GCLC: variants seen among roughly 807,000 people sequenced by gnomAD.
GCLC encodes the protein glutamate-cysteine ligase catalytic subunit, also known as glutamate--cysteine ligase catalytic subunit.
In GCLC, 30 loss-of-function variants were observed where a neutral mutation model predicts 81.5. The observed-to-expected ratio is 0.37, with a 90% CI of 0.28 to 0.50. The LOEUF (loss-of-function observed/expected upper bound fraction) is 0.50, where lower values mean the gene tolerates loss of function less well. Among genes scored for constraint, GCLC ranks in the 20% least tolerant of loss-of-function variants. The pLI is 0.96. For missense variants in GCLC, 556 were observed against 777.4 expected (o/e 0.72, Z 3.39); for synonymous variants, 262 against 273.3 (o/e 0.96, Z 0.41).
chr6:53,529,235 G>A (rs1430428308), intron 1 of GCLC, among the ~76,000 whole-genome samples: 1 of 152,144 alleles, frequency 6.6e-6, no homozygotes, highest in Non-Finnish European at 1.5e-5. Context: ...ATTATTGTTG[G>A]CACAAAGGAA....
At chr6:53,533,344 A>C (rs1763203325) in intron 1 of GCLC, among the ~76,000 whole-genome samples, 1 of 152,144 alleles carries the variant, frequency 6.6e-6, no homozygotes, top group African/African-American at 2.4e-5. Context: ...CAAATCCTTA[A>C]TATGTTCAGA....
chr6:53,504,313 G>C (rs1764572635), intron 12 of GCLC, among the ~76,000 whole-genome samples: 1 of 152,082 alleles, frequency 6.6e-6, no homozygotes, highest in Admixed American at 6.5e-5. Flanking sequence ...AGCCTCCTGA[G>C]GAGCAGAGAT....
chr6:53,508,467 C>T (rs937952556), intron 8 of GCLC, 128 bp downstream of exon 8: 33 of 762,226 alleles, frequency 4.3e-5, no homozygotes. Flanking sequence ...AACTCCCCAC[C>T]TAGACCAAAT....
At chr6:53,540,069 C>A (rs906863760) in intron 1 of GCLC, among the ~76,000 whole-genome samples, 1 of 152,174 alleles carries the variant, frequency 6.6e-6, no homozygotes, top group Non-Finnish European at 1.5e-5. Flanking sequence ...AATGCACAAG[C>A]CTACCCTTCA....
chr6:53,498,987 G>GAAAAAAAAAAAAA lies in GCLC; in HGVS notation c.1703-21_1703-20insTTTTTTTTTTTTT, dbSNP rs747590064. On this transcript the variant is annotated intron_variant, in intron 15 of 15. Coordinates refer to ENST00000650454, the MANE Select transcript of GCLC (RefSeq NM_001498.4). ...GTTCTCCTGTGGGCGAGGGGGGAGC[G>GAAAAAAAAAAAAA]AAAAAAAAATTAAAACCACGTAAGT... 3 of 1,492,980 alleles carry GAAAAAAAAAAAAA rather than the reference G, an allele frequency of 2.0e-6. No homozygotes were observed. The Admixed American group carries it at 5.6e-5, about 28-fold the overall frequency. The allele number at this position is 1,492,980 out of a possible 1,614,324, so 92.5% of individuals were successfully genotyped here. A position where few individuals can be genotyped will look rare whatever the true frequency, so the allele number is the denominator to read the frequency against.
chr6:53,517,499 C>T (rs1044440706), intron 3 of GCLC, among the ~76,000 whole-genome samples: 6 of 152,064 alleles, frequency 3.9e-5, no homozygotes, highest in African/African-American at 1.4e-4. Flanking sequence ...GTGATCTTAT[C>T]TAGAAAACAG....
chr6:53,505,555 G>T, intron 11 of GCLC, 59 bp from the exon 12 acceptor site: 1 of 909,446 alleles, frequency 1.1e-6, no homozygotes, highest in Non-Finnish European at 1.8e-6. Flanking sequence ...GCTCTTCCCT[G>T]ACCCAGGCCC....
intron 1 of GCLC, among the ~76,000 whole-genome samples, chr6:53,542,686 C>T (rs1205483380): frequency 6.6e-6 from 1 of 152,160 alleles, no homozygotes; most frequent in Non-Finnish European, 1.5e-5. Context: ...AAGACTTGAA[C>T]TGCCTGTCTT....
At chr6:53,507,405 A>C in intron 9 of GCLC, 75 bp downstream of exon 9, 2 of 1,484,208 alleles carry the variant, frequency 1.3e-6, no homozygotes, top group South Asian at 1.1e-5. Flanking sequence ...ACCAGGAGTC[A>C]GCAAAAAAGT....
chr6:53,510,573 CAAT>C, intron 6 of GCLC: 1 of 151,874 alleles, frequency 6.6e-6, no homozygotes, highest in East Asian at 1.9e-4. Flanking sequence ...TGTTGTTATT[CAAT>C]AATGACAGTT....
Position 53,507,631 on chromosome 6 carries a change from AAT to A in GCLC, c.946-15_946-14del. ...TGTTCTTCAATGGCTAAAGATTAAA[AAT>A]ATATATAAATGAATATGCTATATAA... On this transcript the variant is annotated splice_polypyrimidine_tract_variant and intron_variant, in intron 8 of 15. Coordinates refer to ENST00000650454, the MANE Select transcript of GCLC (RefSeq NM_001498.4). 1.7e-6 allele frequency: 2 copies of A among 1,186,718 alleles called. No individual in the cohort carries two copies. The highest frequency in any genetic ancestry group is 3.0e-5 in the African/African-American group (2 of 65,844). 73.5% of individuals were successfully genotyped at this position (1,186,718 alleles called of 1,614,324 possible).
intron 1 of GCLC, among the ~76,000 whole-genome samples, chr6:53,528,499 G>T (rs1345559667): frequency 1.3e-5 from 2 of 152,048 alleles, no homozygotes; most frequent in Non-Finnish European, 2.9e-5. Flanking sequence ...GATGACTGTG[G>T]ATACTGTAAT....
intron 3 of GCLC, 142 bp downstream of exon 3, chr6:53,520,636 A>T (rs1762975566): frequency 1.3e-6 from 1 of 775,414 alleles, no homozygotes; most frequent in African/African-American, 1.7e-5. Flanking sequence ...ACTGTTACAG[A>T]GTCTATCAAG....
chr6:53,514,640 G>A (rs1764830614), intron 4 of GCLC, 143 bp from the exon 5 acceptor site: 1 of 738,378 alleles, frequency 1.4e-6, no homozygotes, highest in African/African-American at 1.7e-5. Flanking sequence ...TGTATCTGTG[G>A]TGTCAAGACA....
chr6:53,507,507 C>G lies in GCLC; in HGVS notation c.1057G>C (p.Glu353Gln). The change falls in exon 9 of 16, where the codon GAG (glutamate) becomes CAG (glutamine). Residue 353 changes from glutamate to glutamine, a missense_variant. Around this residue, in one of 3 missense-constraint regions of GCLC, gnomAD observed 313 missense variants for 437.3 expected, o/e 0.72. Coordinates refer to ENST00000650454, the MANE Select transcript of GCLC (RefSeq NM_001498.4). ...YNDIDLTIDK[E>Q]IYEQLLQEGI... is the part of the protein sequence containing the mutation. ...TCCTGCAACAGCTGTTCGTAGATCTCTTTATCTATCGTCAAGTCGATGTCA... is the reference window on the plus strand; with the variant it reads ...TCCTGCAACAGCTGTTCGTAGATCTGTTTATCTATCGTCAAGTCGATGTCA... 1.2e-6 allele frequency: 2 copies of G among 1,612,054 alleles called. No individual in the cohort carries two copies. Among genetic ancestry groups the G allele is most frequent in the Non-Finnish European group, 8.5e-7 (1 of 1,178,318 alleles).
At chr6:53,544,085 C>T (rs17882672) in intron 1 of GCLC, among the ~76,000 whole-genome samples, 24,232 of 152,140 alleles carry the variant, frequency 0.16, 2,190 homozygotes, top group East Asian at 0.35. Flanking sequence ...AAGCAGCAGG[C>T]CTACTAGGAA....
In GCLC at chr6:53,544,350, G is replaced by A. The variant is rs577467912; in HGVS notation, c.150+146C>T. On this transcript the variant is annotated intron_variant, in intron 1 of 15. Transcript: ENST00000650454. ...CGGACTAGGCGAAAGCAGGGACGAT[G>A]CTCCCGGGGCCGGGAGGCGCTCGAG... 1.5e-3 allele frequency: 1,049 copies of A among 722,476 alleles called. 9 individuals carry two copies. In the African/African-American group the frequency reaches 0.016, roughly 11 times the overall value. 44.8% of individuals were successfully genotyped at this position (722,476 alleles called of 1,614,324 possible). A position where few individuals can be genotyped will look rare whatever the true frequency, so the allele number is the denominator to read the frequency against.
chr6:53,536,662 T>C (rs944248132), intron 1 of GCLC, among the ~76,000 whole-genome samples: 38 of 152,340 alleles, frequency 2.5e-4, no homozygotes, highest in Admixed American at 1.3e-3. Flanking sequence ...ACATAAATAG[T>C]GATGTTAGAG....
chr6:53,513,292 C>T (rs1322326682), intron 6 of GCLC: 2 of 152,242 alleles, frequency 1.3e-5, no homozygotes, highest in African/African-American at 4.8e-5. Flanking sequence ...TTACATGGGT[C>T]CAGGCTCTGC....
Sources: allele counts gnomAD v4.1 joint callset (sites outside exome capture counted in the v4.1 genomes callset), GRCh38; gene constraint gnomAD v4.1.1; regional missense constraint gnomAD v4.1.1; transcripts MANE v1.5; gene names NCBI Gene and HGNC (gene_info 2026-07-23, HGNC 2026-07-21).